The following MTHFSD variants were observed in gnomAD, a reference collection of about 807,000 sequenced individuals.
MTHFSD encodes methenyltetrahydrofolate synthetase domain containing.
MTHFSD carries 37 observed loss-of-function variants against 31.1 expected under a neutral mutation model. The observed-to-expected ratio is 1.19, with a 90% CI of 0.91 to 1.56. The LOEUF (loss-of-function observed/expected upper bound fraction) is 1.56. Among genes scored for constraint, MTHFSD ranks in the 40% most tolerant of loss-of-function variants. MTHFSD has a pLI of 0.00. For synonymous variants in MTHFSD, 221 were observed against 206.9 expected (o/e 1.07, Z -0.59); for missense variants, 664 against 510.1 (o/e 1.30, Z -2.91).
In MTHFSD at chr16:86,554,446, G is replaced by A. The variant is rs532343108; in HGVS notation, c.123+199C>T. ...CAACCAAACCACCCTGCACAGAGAC[G>A]CAAGAGGCCCCAGGTGAAGAGTAAA... On this transcript the variant is annotated intron_variant, in intron 2 of 7. Transcript: ENST00000360900. Among the ~76,000 whole-genome samples the A allele has an allele frequency of 2.6e-3, 397 of 152,292 alleles. 1 individual carries two copies. Among genetic ancestry groups the A allele is most frequent in the African/African-American group, 7.8e-3 (325 of 41,558 alleles).
At chr16:86,547,712 T>C (rs921451411) in intron 4 of MTHFSD, 1 of 321,732 alleles carries the variant, frequency 3.1e-6, no homozygotes, top group Non-Finnish European at 4.5e-6. Flanking sequence ...TTAGAAACCA[T>C]ATCAAATTCT....
intron 3 of MTHFSD, among the ~76,000 whole-genome samples, chr16:86,549,863 T>A (rs932207328): frequency 1.3e-5 from 2 of 152,220 alleles, no homozygotes; most frequent in Non-Finnish European, 2.9e-5. Flanking sequence ...CTTTAGAGAC[T>A]CACAGGTCTG....
At chr16:86,555,037 C>T in intron 1 of MTHFSD, 132 bp downstream of exon 1, 1 of 1,464,406 alleles carries the variant, frequency 6.8e-7, no homozygotes, top group Non-Finnish European at 9.0e-7. Flanking sequence ...CAGACCCCCT[C>T]TGACCTCCTC....
intron 7 of MTHFSD, among the ~76,000 whole-genome samples, chr16:86,538,459 G>A (rs1259822303): frequency 2.0e-5 from 3 of 152,210 alleles, no homozygotes; most frequent in African/African-American, 7.2e-5. Flanking sequence ...GTGACTCATA[G>A]GACACCACTC....
rs570026517 is a variant in MTHFSD at position 86,531,587 on chromosome 16, C to T, written c.*424G>A. 6.4e-6 allele frequency: 1 copy of T among 155,586 alleles called. No homozygotes were observed. Among genetic ancestry groups the T allele is most frequent in the African/African-American group, 2.4e-5 (1 of 41,740 alleles). The allele number at this position is 155,586 out of a possible 1,614,324, so 9.6% of individuals were successfully genotyped here. A position where few individuals can be genotyped will look rare whatever the true frequency, so the allele number is the denominator to read the frequency against. On this transcript the variant is annotated 3_prime_UTR_variant, in exon 8 of 8. Transcript: ENST00000360900. This position sits in a 1 kb window ranked among gnomAD's most constrained non-coding sequence, Gnocchi z 5.5. ...CCCAAGGGCGCGCTTCTGTACCCAGCATCCAGTCCCTGCCAGGGCCTTTTG... is the reference window on the plus strand; with the variant it reads ...CCCAAGGGCGCGCTTCTGTACCCAGTATCCAGTCCCTGCCAGGGCCTTTTG...
intron 6 of MTHFSD, 116 bp from the exon 7 acceptor site, chr16:86,541,938 G>A: frequency 1.4e-6 from 2 of 1,464,732 alleles, no homozygotes; most frequent in Admixed American, 1.9e-5. Context: ...AATCCACTCT[G>A]GGGCTAAGGC....
chr16:86,552,097 C>G lies in MTHFSD; in HGVS notation c.173G>C (p.Arg58Thr). 1.9e-6 allele frequency: 3 copies of G among 1,614,184 alleles called. No individual in the cohort carries two copies. Among genetic ancestry groups the G allele is most frequent in the Non-Finnish European group, 1.7e-6 (2 of 1,180,042 alleles). ...AGGGTCCACTTTAACTTCCTGTGTT[C>G]TGGCAAAAACGTCTAGGTCTTTGAT... ...QNIKDLDVFA[R>T]TQEVKVDPDK... Residue 58 changes from arginine to threonine, a missense_variant, in exon 3 of 8, where the codon AGA (arginine) becomes ACA (threonine). Transcript: ENST00000360900.
intron 7 of MTHFSD, chr16:86,535,207 G>GGA (rs1158928759): frequency 1.0e-6 from 1 of 984,780 alleles, no homozygotes; most frequent in Non-Finnish European, 1.2e-6. Context: ...GCATCCGCAG[G>GGA]GGCCGTTAGA....
Position 86,531,815 on chromosome 16 carries a change from G to A in MTHFSD, c.*196C>T, listed in dbSNP as rs1350189058. ...GTCTCTGCGCGCTGTGAGATGAACC[G>A]CAGGGCGGCTTCCCCACTCACAGGA... On this transcript the variant is annotated 3_prime_UTR_variant, in exon 8 of 8. Coordinates refer to ENST00000360900, the MANE Select transcript of MTHFSD (RefSeq NM_001159377.2). The surrounding 1 kb of genome is among the most constrained non-coding windows in gnomAD (Gnocchi z 5.5). 3.7e-5 allele frequency: 16 copies of A among 426,988 alleles called. No individual in the cohort carries two copies. Among genetic ancestry groups the A allele is most frequent in the Non-Finnish European group, 5.4e-5 (13 of 242,120 alleles). 26.4% of individuals were successfully genotyped at this position (426,988 alleles called of 1,614,324 possible). A position where few individuals can be genotyped will look rare whatever the true frequency, so the allele number is the denominator to read the frequency against.
rs551268269 is a variant in MTHFSD, at chr16:86,531,666, G to A, written c.*345C>T. The A allele has an allele frequency of 2.0e-5, 4 of 196,086 alleles. No individual in the cohort carries two copies. The highest frequency in any genetic ancestry group is 3.1e-5 in the Non-Finnish European group (3 of 97,296). 12.1% of individuals were successfully genotyped at this position (196,086 alleles called of 1,614,324 possible). On this transcript the variant is annotated 3_prime_UTR_variant, in exon 8 of 8. Coordinates refer to ENST00000360900, the MANE Select transcript of MTHFSD (RefSeq NM_001159377.2). The surrounding 1 kb of genome is among the most constrained non-coding windows in gnomAD (Gnocchi z 5.5). Reference sequence around the variant, plus strand: ...TGTTCAGCCCACCCCTGGCAAACTCGAGATCACCTTCACATCACCCTCCCC... The same window carrying A: ...TGTTCAGCCCACCCCTGGCAAACTCAAGATCACCTTCACATCACCCTCCCC...
chr16:86,534,752 G>C (rs1039289958), intron 7 of MTHFSD, among the ~76,000 whole-genome samples: 6 of 152,172 alleles, frequency 3.9e-5, no homozygotes, highest in Admixed American at 3.9e-4. Flanking sequence ...AAAGTTACTT[G>C]GCTCTGAGTA....
chr16:86,547,046 T>G (rs1972421180), intron 4 of MTHFSD: 1 of 586,608 alleles, frequency 1.7e-6, no homozygotes, highest in African/African-American at 2.0e-5. Flanking sequence ...CTCAGTTTCT[T>G]CAGCTGTAAG....
intron 4 of MTHFSD, chr16:86,547,040 G>A: frequency 1.8e-6 from 1 of 551,236 alleles, no homozygotes; most frequent in African/African-American, 2.0e-5. Context: ...CTGAGCCTCA[G>A]TTTCTTCAGC....
At chr16:86,537,544 A>G (rs982877941) in intron 7 of MTHFSD, among the ~76,000 whole-genome samples, 1 of 152,174 alleles carries the variant, frequency 6.6e-6, no homozygotes, top group Non-Finnish European at 1.5e-5. Context: ...TTCTTTTTCA[A>G]TGAAAGCCTC....
intron 7 of MTHFSD, chr16:86,540,644 C>T (rs1971368718): frequency 2.0e-6 from 2 of 984,156 alleles, no homozygotes; most frequent in Non-Finnish European, 2.4e-6. Flanking sequence ...TATGCTCTGT[C>T]TCGTGCATTG....
intron 7 of MTHFSD, among the ~76,000 whole-genome samples, chr16:86,539,075 G>A (rs938193596): frequency 2.0e-5 from 3 of 152,216 alleles, no homozygotes; most frequent in Non-Finnish European, 4.4e-5. Context: ...GTGCTGGAAT[G>A]CATTTTAAGC....
intron 3 of MTHFSD, among the ~76,000 whole-genome samples, chr16:86,549,382 A>G (rs1376606507): frequency 1.3e-5 from 2 of 152,256 alleles, no homozygotes; most frequent in Non-Finnish European, 1.5e-5. Flanking sequence ...AGTATATTTT[A>G]GTTTTTGAGC....
At chr16:86,541,146 G>A in intron 7 of MTHFSD, 3 of 1,287,894 alleles carry the variant, frequency 2.3e-6, no homozygotes, top group Non-Finnish European at 3.0e-6. Context: ...AGGCTGATTT[G>A]CAGGGTCAAA....
chr16:86,540,195 G>A (rs945015998), intron 7 of MTHFSD, among the ~76,000 whole-genome samples: 13 of 152,196 alleles, frequency 8.5e-5, no homozygotes, highest in Non-Finnish European at 1.2e-4. Flanking sequence ...ATCAGGTGGT[G>A]AAACTGAGAA....
Sources: allele counts gnomAD v4.1 joint callset (sites outside exome capture counted in the v4.1 genomes callset), GRCh38; gene constraint gnomAD v4.1.1; non-coding constraint Gnocchi (gnomAD v3.1); transcripts MANE v1.5; gene names NCBI Gene and HGNC (gene_info 2026-07-23, HGNC 2026-07-21).